The following UBAC1 variants were observed in gnomAD, a reference collection of about 807,000 sequenced individuals.
UBAC1 encodes the protein ubiquitin-associated domain-containing protein 1.
In UBAC1, 27 loss-of-function variants were observed where a neutral mutation model predicts 45.9. The observed-to-expected ratio is 0.59, with a 90% confidence interval of 0.43 to 0.81. The LOEUF (loss-of-function observed/expected upper bound fraction) is 0.81. Among genes scored for constraint, UBAC1 ranks in the 30% least tolerant of loss-of-function variants. The pLI is 0.00. For missense variants in UBAC1, 529 were observed against 539.2 expected (o/e 0.98, Z 0.19); for synonymous variants, 227 against 215.5 (o/e 1.05, Z -0.47).
Position 135,939,599 on chromosome 9 carries a change from C to A in UBAC1, c.963+74G>T. 1.1e-5 allele frequency: 16 copies of A among 1,472,980 alleles called. No homozygotes were observed. The South Asian group carries it at 1.9e-4, about 18-fold the overall frequency. 91.2% of individuals were successfully genotyped at this position (1,472,980 alleles called of 1,614,324 possible). The stretch of plus-strand genomic sequence containing the variant: ...ACTCACCACAGCCCACACTCACTCA[C>A]CACAGCCCACACTTACCACAGCCCA... On this transcript the variant is annotated intron_variant, in intron 8 of 9. Coordinates refer to ENST00000371756, the MANE Select transcript of UBAC1 (RefSeq NM_016172.3).
At chr9:135,933,555 C>A (rs550813377) in intron 9 of UBAC1, 40 bp from the exon 10 acceptor site, 3 of 1,471,934 alleles carry the variant, frequency 2.0e-6, no homozygotes, top group East Asian at 2.3e-5. Flanking sequence ...CCCACGCCCC[C>A]ACTCAGCCCA....
chr9:135,945,224 C>T lies in UBAC1; in HGVS notation c.680G>A (p.Trp227Ter). The T allele has an allele frequency of 1.9e-6, 3 of 1,603,186 alleles. No individual in the cohort carries two copies. Among genetic ancestry groups the T allele is most frequent in the Non-Finnish European group, 2.6e-6 (3 of 1,174,324 alleles). The stretch of plus-strand genomic sequence containing the variant: ...CGGGTCTTCTGCGTGTTCAATTAGC[C>T]ACTCCATGGCCTGAGGCACCGACAT... Reference protein sequence around the residue: ...NHMSVPQAMEWLIEHAEDPTI... With the variant: ...NHMSVPQAME Residue 227 changes from tryptophan to a stop codon, truncating the protein, a stop_gained, in exon 7 of 10, where the codon TGG becomes TAG. Transcript: ENST00000371756. LOFTEE classifies it high-confidence loss of function.
At chr9:135,938,072 G>T in intron 9 of UBAC1, 150 bp downstream of exon 9, 1 of 1,262,630 alleles carries the variant, frequency 7.9e-7, no homozygotes, top group Non-Finnish European at 1.1e-6. Context: ...ACACCCGCAG[G>T]ATGCCAACCT....
At chr9:135,934,840 C>A (rs1322168097) in intron 9 of UBAC1, among the ~76,000 whole-genome samples, 1 of 152,104 alleles carries the variant, frequency 6.6e-6, no homozygotes, top group Non-Finnish European at 1.5e-5. Flanking sequence ...ATATGAAAAA[C>A]CACACAGATG....
chr9:135,947,099 G>T (rs1839346773), intron 4 of UBAC1, among the ~76,000 whole-genome samples: 1 of 152,182 alleles, frequency 6.6e-6, no homozygotes, highest in Non-Finnish European at 1.5e-5. Context: ...AGGTTGGACT[G>T]GCATCAGATG....
Position 135,939,160 on chromosome 9 carries a change from C to T in UBAC1, c.963+513G>A, listed in dbSNP as rs1431013399. ...GAGGCTGCAGTGAGTGTGATCACAC[C>T]GCTGCACTCCAGCCTGGGGGACAGA... On this transcript the variant is annotated intron_variant, in intron 8 of 9. Coordinates refer to ENST00000371756, the MANE Select transcript of UBAC1 (RefSeq NM_016172.3). 3.3e-5 allele frequency among the ~76,000 whole-genome samples: 5 copies of T among 150,752 alleles called. No individual in the cohort carries two copies. The East Asian group carries it at 5.8e-4, about 18-fold the overall frequency.
chr9:135,957,926 G>A (rs117271674), intron 1 of UBAC1, among the ~76,000 whole-genome samples: 72 of 151,162 alleles, frequency 4.8e-4, no homozygotes, highest in Admixed American at 2.3e-3. Flanking sequence ...AGGAGTCCGC[G>A]ACCATGCCAG....
rs1839530617 is a variant in UBAC1, at chr9:135,961,074, GCCT to G, written c.86_88del (p.Glu29del). ...CTTCTCCACCGAGGTGTCCTCGGTGGCCTCCTCCAGCCACTCGGCGCCGTCGGA... is the reference window on the plus strand; with the variant it reads ...CTTCTCCACCGAGGTGTCCTCGGTGGCCTCCAGCCACTCGGCGCCGTCGGA... On this transcript the variant is annotated inframe_deletion, in exon 1 of 10. Coordinates refer to ENST00000371756, the MANE Select transcript of UBAC1 (RefSeq NM_016172.3). 4 of 1,582,320 alleles carry G rather than the reference GCCT, an allele frequency of 2.5e-6. No individual in the cohort carries two copies. The highest frequency in any genetic ancestry group is 1.4e-5 in the African/African-American group (1 of 72,176).
chr9:135,956,582 G>A (rs537003638), intron 1 of UBAC1, among the ~76,000 whole-genome samples: 28 of 152,008 alleles, frequency 1.8e-4, no homozygotes, highest in African/African-American at 6.3e-4. Context: ...CCCGACACAC[G>A]ACAGCACAGC....
intron 8 of UBAC1, among the ~76,000 whole-genome samples, 158 bp from the exon 9 acceptor site, chr9:135,938,518 G>A (rs113953180): frequency 1.7e-4 from 26 of 152,246 alleles, no homozygotes; most frequent in African/African-American, 4.1e-4. Flanking sequence ...GAAGACAAAC[G>A]CAGTCTGGAT....
intron 8 of UBAC1, among the ~76,000 whole-genome samples, chr9:135,939,391 C>T (rs1376853593): frequency 6.6e-6 from 1 of 152,162 alleles, no homozygotes; most frequent in Admixed American, 6.5e-5. Flanking sequence ...ACACGGCCTC[C>T]ACCACGCCCG....
At chr9:135,957,588 A>G (rs1220983075) in intron 1 of UBAC1, among the ~76,000 whole-genome samples, 2 of 151,676 alleles carry the variant, frequency 1.3e-5, no homozygotes, top group African/African-American at 2.4e-5. Context: ...TGGAGTAGGG[A>G]GGCCCTCACA....
At chr9:135,945,417 G>C in intron 6 of UBAC1, 167 bp from the exon 7 acceptor site, 1 of 594,914 alleles carries the variant, frequency 1.7e-6, no homozygotes, top group Non-Finnish European at 2.8e-6. Context: ...GGAAGCGCTG[G>C]TCCTTGCCTC....
chr9:135,939,907 A>G (rs922719064), intron 7 of UBAC1, 148 bp from the exon 8 acceptor site: 1 of 666,068 alleles, frequency 1.5e-6, no homozygotes, highest in African/African-American at 1.8e-5. Flanking sequence ...TTCTTTCCTC[A>G]CAGCTCTGCT....
At chr9:135,960,956 T>C (rs1839528034) in intron 1 of UBAC1, 69 bp downstream of exon 1, 29 of 1,374,466 alleles carry the variant, frequency 2.1e-5, no homozygotes, top group Non-Finnish European at 2.7e-5. Flanking sequence ...GTTCGGGGAC[T>C]GAGGCGGGGT....
chr9:135,938,485 C>A (rs535745772), intron 8 of UBAC1, 125 bp from the exon 9 acceptor site: 176 of 1,270,536 alleles, frequency 1.4e-4, no homozygotes, highest in Non-Finnish European at 1.6e-5. Context: ...CAGGGCTGAT[C>A]TCCCTGGAAG....
chr9:135,946,231 G>A, intron 5 of UBAC1, 38 bp downstream of exon 5: 1 of 1,463,930 alleles, frequency 6.8e-7, no homozygotes, highest in Non-Finnish European at 9.6e-7. Flanking sequence ...GGCCGGCAGT[G>A]AACCGCCCTG....
chr9:135,960,234 G>A (rs935513637), intron 1 of UBAC1, among the ~76,000 whole-genome samples: 1 of 152,178 alleles, frequency 6.6e-6, no homozygotes, highest in Non-Finnish European at 1.5e-5. Flanking sequence ...AGGCTTCTTA[G>A]CTGACCTTAC....
chr9:135,955,464 C>A (rs757163651), intron 1 of UBAC1, 49 bp from the exon 2 acceptor site: 1 of 1,485,048 alleles, frequency 6.7e-7, no homozygotes, highest in African/African-American at 1.4e-5. Context: ...AATCGTAATT[C>A]TAATAATATA....
Sources: gnomAD v4.1 joint callset for allele counts (sites outside exome capture counted in the v4.1 genomes callset) on GRCh38, gnomAD v4.1.1 for gene constraint, MANE v1.5 for transcripts, NCBI Gene and HGNC (gene_info 2026-07-23, HGNC 2026-07-21) for gene names.